TSHZ1: variants seen among roughly 807,000 people sequenced by gnomAD.
TSHZ1 encodes the protein teashirt homolog 1.
A neutral mutation model predicts 67.1 loss-of-function variants in TSHZ1; 12 were observed. The ratio of observed to expected loss-of-function variants is 0.18; its 90% confidence interval spans 0.11 to 0.29. TSHZ1 has a LOEUF of 0.29. Among genes scored for constraint, TSHZ1 ranks in the 10% least tolerant of loss-of-function variants. TSHZ1 has a pLI of 1.00. For missense variants in TSHZ1, 1,305 were observed against 1,413.9 expected, an observed-to-expected ratio of 0.92 and a Z score of 1.23; for synonymous variants, 632 against 622.4, an observed-to-expected ratio of 1.02 and a Z score of -0.23.
chr18:75,288,192 A>G lies in TSHZ1; in HGVS notation c.2785A>G (p.Ile929Val). The change falls in exon 2 of 2, where the codon ATC (isoleucine) becomes GTC (valine). Residue 929 changes from isoleucine (I) to valine (V), a missense_variant. Coordinates refer to ENST00000580243, the MANE Select transcript of TSHZ1 (RefSeq NM_001308210.2). The surrounding 1 kb of genome is among the most constrained non-coding windows in gnomAD (Gnocchi z 4.9). ...SDLGPQERVH[I>V]SKFTGLSMTT... ...CTTGGGCCCGCAGGAGAGGGTGCAC[A>G]TCTCGAAGTTTACTGGGCTCTCCAT... 6.2e-7 allele frequency: 1 copy of G among 1,614,210 alleles called. No homozygotes were observed. Among genetic ancestry groups the G allele is most frequent in the Non-Finnish European group, 8.5e-7 (1 of 1,180,030 alleles).
chr18:75,253,103 G>A (rs1208722929), intron 1 of TSHZ1, among the ~76,000 whole-genome samples: 3 of 152,136 alleles, frequency 2.0e-5, no homozygotes, highest in South Asian at 4.1e-4. Context: ...ATTAAGTTTT[G>A]TGAGTTTTTT....
chr18:75,286,531 C>T lies in TSHZ1; in HGVS notation c.1124C>T (p.Ala375Val), dbSNP rs1453340173. 1 of 1,614,200 alleles carries T rather than the reference C, an allele frequency of 6.2e-7. No homozygotes were observed. The highest frequency in any genetic ancestry group is 2.2e-5 in the East Asian group (1 of 44,866). ...CCAGCAGGAATGGCCGCAGAGGTGG[C>T]CCTGAGTGAGTCAGCCAAGGATCAG... ...PEPAGMAAEV[A>V]LSESAKDQKA... The change falls in exon 2 of 2, where the codon GCC (alanine) becomes GTC (valine). Residue 375 changes from alanine to valine, a missense_variant. Coordinates refer to ENST00000580243, the MANE Select transcript of TSHZ1 (RefSeq NM_001308210.2). This position sits in a 1 kb window ranked among gnomAD's most constrained non-coding sequence, Gnocchi z 5.1.
intron 1 of TSHZ1, among the ~76,000 whole-genome samples, chr18:75,260,987 G>A (rs2122581192): frequency 6.6e-6 from 1 of 152,054 alleles, no homozygotes; most frequent in Non-Finnish European, 1.5e-5. Flanking sequence ...CCTGGCTGTG[G>A]ATCTCGGCCA....
At chr18:75,227,902 G>A (rs2022946395) in intron 1 of TSHZ1, among the ~76,000 whole-genome samples, 1 of 152,286 alleles carries the variant, frequency 6.6e-6, no homozygotes, top group African/African-American at 2.4e-5. Flanking sequence ...TCCTTCCCCC[G>A]CCGTTAGGAG....
intron 1 of TSHZ1, among the ~76,000 whole-genome samples, chr18:75,275,835 A>G (rs1156905867): frequency 1.3e-5 from 2 of 152,226 alleles, no homozygotes; most frequent in African/African-American, 4.8e-5. Context: ...ATGTGTTAAC[A>G]TGCACTCCAG....
chr18:75,242,109 C>CAGCCTTT (rs1248734631), intron 1 of TSHZ1, among the ~76,000 whole-genome samples: 1 of 151,940 alleles, frequency 6.6e-6, no homozygotes, highest in South Asian at 2.1e-4. Context: ...ATTTGTGCAG[C>CAGCCTTT]AGCCTTTATT....
Position 75,264,647 on chromosome 18 carries a change from G to A in TSHZ1, c.41-20801G>A, listed in dbSNP as rs1599047776. On this transcript the variant is annotated intron_variant, in intron 1 of 1. Coordinates refer to ENST00000580243, the MANE Select transcript of TSHZ1 (RefSeq NM_001308210.2). The stretch of plus-strand genomic sequence containing the variant: ...TTTGGCAGGGTCTCCTGAATCAGAA[G>A]CATGATACCTGGGCCAACTGAAGGC... 2.6e-5 allele frequency among the ~76,000 whole-genome samples: 4 copies of A among 152,218 alleles called. No individual in the cohort carries two copies. The East Asian group carries it at 7.7e-4, about 29-fold the overall frequency.
intron 1 of TSHZ1, among the ~76,000 whole-genome samples, chr18:75,232,822 T>G (rs2023017498): frequency 6.6e-6 from 1 of 152,262 alleles, no homozygotes; most frequent in Non-Finnish European, 1.5e-5. Flanking sequence ...ATCCTCAGCT[T>G]AAACATGAGA....
At chr18:75,214,790 G>A (rs1166701517) in intron 1 of TSHZ1, among the ~76,000 whole-genome samples, 1 of 152,146 alleles carries the variant, frequency 6.6e-6, no homozygotes, top group Non-Finnish European at 1.5e-5. Context: ...ATCAAAAAAG[G>A]TAAGGTTGTT....
At position 75,211,525 on chromosome 18, in the gene TSHZ1, G is replaced by C. The variant is rs2022687714; in HGVS notation, c.-352G>C. On this transcript the variant is annotated 5_prime_UTR_variant, in exon 1 of 2. Transcript: ENST00000580243. ...AGCAGCAGCGCGGCGGCGGGGAGGC[G>C]GCAGCATGGAGCGCGGGCCGCGGGC... The C allele has an allele frequency of 1.4e-5, 2 of 145,270 alleles. No homozygotes were observed. The highest frequency in any genetic ancestry group is 1.4e-4 in the Admixed American group (2 of 14,712). 9.0% of individuals were successfully genotyped at this position (145,270 alleles called of 1,614,324 possible). A position where few individuals can be genotyped will look rare whatever the true frequency, so the allele number is the denominator to read the frequency against.
At chr18:75,214,436 A>AT (rs2022740532) in intron 1 of TSHZ1, among the ~76,000 whole-genome samples, 2 of 152,194 alleles carry the variant, frequency 1.3e-5, no homozygotes, top group African/African-American at 4.8e-5. Context: ...TTATTTGTTC[A>AT]TTTTCTGGAA....
intron 1 of TSHZ1, among the ~76,000 whole-genome samples, chr18:75,213,555 T>C (rs2122507803): frequency 6.6e-6 from 1 of 152,262 alleles, no homozygotes; most frequent in East Asian, 1.9e-4. Flanking sequence ...GCAGTTAAAA[T>C]TGCGGTGAAT....
intron 1 of TSHZ1, among the ~76,000 whole-genome samples, chr18:75,256,835 T>C (rs2023367092): frequency 6.6e-6 from 1 of 152,236 alleles, no homozygotes; most frequent in South Asian, 2.1e-4. Context: ...TTTTACCTGT[T>C]CCACACCCGA....
At position 75,285,928 on chromosome 18, in the gene TSHZ1, C is replaced by A. The variant is rs771834081; in HGVS notation, c.521C>A (p.Thr174Lys). The A allele has an allele frequency of 6.5e-7, 1 of 1,546,066 alleles. No individual in the cohort carries two copies. The highest frequency in any genetic ancestry group is 1.4e-5 in the African/African-American group (1 of 72,086). The part of the protein sequence containing the change: ...PVSTTGPTTS[T>K]PSTSCSSSTS... The stretch of plus-strand genomic sequence containing the variant: ...AGCACCACTGGCCCCACCACGAGCA[C>A]GCCCAGCACCAGCTGCAGCTCCAGC... The change falls in exon 2 of 2, where the codon ACG (threonine) becomes AAG (lysine). Residue 174 changes from threonine (T) to lysine (K), a missense_variant. Thr to Lys is a moderately conservative substitution (Grantham distance 78). Transcript: ENST00000580243.
At chr18:75,242,600 T>C (rs1045593180) in intron 1 of TSHZ1, among the ~76,000 whole-genome samples, 2 of 152,276 alleles carry the variant, frequency 1.3e-5, no homozygotes, top group African/African-American at 4.8e-5. Context: ...CATATTGATT[T>C]GGATATCATC....
rs9958564 is a variant in TSHZ1 at position 75,245,989 on chromosome 18, G to C, written c.40+34073G>C. The stretch of plus-strand genomic sequence containing the variant: ...AAATACAATGCTCTGAATCAAATAA[G>C]TGCCAGGGGAGCGGGCTTCCCCTCT... On this transcript the variant is annotated intron_variant, in intron 1 of 1. Coordinates refer to ENST00000580243, the MANE Select transcript of TSHZ1 (RefSeq NM_001308210.2). Among the ~76,000 whole-genome samples, 960 of 152,292 alleles carry C rather than the reference G, an allele frequency of 6.3e-3. 11 individuals carry two copies. Among genetic ancestry groups the C allele is most frequent in the African/African-American group, 0.022 (917 of 41,564 alleles).
intron 1 of TSHZ1, among the ~76,000 whole-genome samples, chr18:75,251,469 C>T (rs2023302974): frequency 7.0e-6 from 1 of 142,676 alleles, no homozygotes; most frequent in East Asian, 2.0e-4. Context: ...ATTCTTTATA[C>T]ATTTTCATTA....
intron 1 of TSHZ1, among the ~76,000 whole-genome samples, chr18:75,216,333 TA>T (rs1384779420): frequency 2.0e-5 from 3 of 152,154 alleles, no homozygotes; most frequent in Admixed American, 2.0e-4. Context: ...AATTACTCTT[TA>T]AAAAAATGGT....
chr18:75,233,737 G>A (rs542152251), intron 1 of TSHZ1, among the ~76,000 whole-genome samples: 5 of 152,234 alleles, frequency 3.3e-5, no homozygotes, highest in South Asian at 2.1e-4. Context: ...GAGGAGTGAC[G>A]TGGGGCTTCC....
Sources: allele counts gnomAD v4.1 joint callset (sites outside exome capture counted in the v4.1 genomes callset), GRCh38; gene constraint gnomAD v4.1.1; non-coding constraint Gnocchi (gnomAD v3.1); transcripts MANE v1.5; gene names NCBI Gene and HGNC (gene_info 2026-07-23, HGNC 2026-07-21).